Variants in FKBP14 observed in about 807,000 individuals in gnomAD.
FKBP14 encodes FKBP prolyl isomerase 14.
In FKBP14, 20 loss-of-function variants were observed where a neutral mutation model predicts 21.6. The ratio of observed to expected loss-of-function variants is 0.92; its 90% CI spans 0.65 to 1.34. The LOEUF is 1.34. FKBP14 is among the 40% of genes most tolerant of loss of function. The pLI is 0.00. For missense variants in FKBP14, 253 were observed against 249.0 expected, an observed-to-expected ratio of 1.02 and a Z score of -0.11; for synonymous variants, 79 against 86.7, an observed-to-expected ratio of 0.91 and a Z score of 0.49.
intron 2 of FKBP14, 136 bp from the exon 3 acceptor site, chr7:30,019,259 T>A (rs1443525025): frequency 1.3e-5 from 10 of 766,362 alleles, no homozygotes; most frequent in Non-Finnish European, 1.9e-5. Flanking sequence ...TGATGAAAAT[T>A]ATGTATATTA....
intron 2 of FKBP14, among the ~76,000 whole-genome samples, chr7:30,021,234 T>C (rs1278920783): frequency 6.6e-6 from 1 of 152,226 alleles, no homozygotes; most frequent in East Asian, 1.9e-4. Context: ...TATTTCCTTA[T>C]GATTAACTTT....
At chr7:30,014,970 G>T in intron 3 of FKBP14, 77 bp from the exon 4 acceptor site, 2 of 916,682 alleles carry the variant, frequency 2.2e-6, no homozygotes, top group Non-Finnish European at 1.6e-6. Context: ...CACAGACATG[G>T]ACTGTTATTA....
chr7:30,007,770 C>T (rs1789642393), downstream of FKBP14, among the ~76,000 whole-genome samples: 3 of 152,082 alleles, frequency 2.0e-5, no homozygotes, highest in Admixed American at 2.0e-4. Context: ...AGACTCAGGC[C>T]CAGCGTGATG....
chr7:30,009,176 T>C (rs555973530), downstream of FKBP14, among the ~76,000 whole-genome samples: 1 of 152,228 alleles, frequency 6.6e-6, no homozygotes, highest in East Asian at 1.9e-4. Flanking sequence ...AGGGTTATTA[T>C]TATAATGCTA....
chr7:30,019,091 T>A lies in FKBP14; in HGVS notation c.382A>T (p.Asn128Tyr). Residue 128 changes from asparagine (N) to tyrosine (Y), a missense_variant, in exon 3 of 4, where the codon AAT becomes TAT. Physicochemically the swap from Asn to Tyr is moderately radical, Grantham distance 143. Transcript: ENST00000222803. ...KIPPESTLIF[N>Y]IDLLEIRNGP... ...TTTCGAATCTCCAGGAGATCAATAT[T>A]AAATATCAGTGTACTTTCTGGGGGA... 1 of 1,586,344 alleles carries A rather than the reference T, an allele frequency of 6.3e-7. No individual in the cohort carries two copies. The highest frequency in any genetic ancestry group is 8.5e-7 in the Non-Finnish European group (1 of 1,171,756).
rs17150692 is a variant in FKBP14 at position 30,026,344 on chromosome 7, G to A, written c.165C>T (p.Tyr55=). ...GAAATAAGGAGCCGTCCTTTTCTAAGTAGCCTTCATAGTGGACCAACATCA... is the reference window on the plus strand; with the variant it reads ...GAAATAAGGAGCCGTCCTTTTCTAAATAGCCTTCATAGTGGACCAACATCA... ...GDLMLVHYEG[Y]LEKDGSLFHS... The change falls in exon 1 of 4, where the codon TAC becomes TAT. Residue 55 remains tyrosine, a synonymous_variant. Transcript: ENST00000222803. The A allele has an allele frequency of 0.019, 29,968 of 1,612,990 alleles. 404 individuals carry two copies. The highest frequency in any genetic ancestry group is 0.054 in the Admixed American group (3,230 of 59,776).
chr7:30,007,455 G>A (rs183940354), downstream of FKBP14, among the ~76,000 whole-genome samples: 4 of 152,062 alleles, frequency 2.6e-5, no homozygotes, highest in East Asian at 1.9e-4. Context: ...TGATCTGCCC[G>A]CCTTGGCCTC....
chr7:30,021,735 AG>A (rs1212819572), intron 2 of FKBP14, among the ~76,000 whole-genome samples: 12 of 152,070 alleles, frequency 7.9e-5, no homozygotes, highest in Non-Finnish European at 1.8e-4. Flanking sequence ...TTGTATTTTT[AG>A]TAGAGACAGG....
Position 30,026,567 on chromosome 7 carries a change from A to C in FKBP14, c.-59T>G, listed in dbSNP as rs1007764436. ...GCAGCGAAAGGTCCCTCGACTTCAT[A>C]GATTTAAGAACGTAGTTCAAGGCTT... On this transcript the variant is annotated 5_prime_UTR_variant, in exon 1 of 4. Transcript: ENST00000222803. The C allele has an allele frequency of 1.1e-5, 16 of 1,499,742 alleles. No homozygotes were observed. Among genetic ancestry groups the C allele is most frequent in the East Asian group, 4.5e-5 (2 of 44,054 alleles). 92.9% of individuals were successfully genotyped at this position (1,499,742 alleles called of 1,614,324 possible). A position where few individuals can be genotyped will look rare whatever the true frequency, so the allele number is the denominator to read the frequency against.
At chr7:30,018,027 AAAT>A (rs1789939151) in intron 3 of FKBP14, among the ~76,000 whole-genome samples, 1 of 151,526 alleles carries the variant, frequency 6.6e-6, no homozygotes, top group Non-Finnish European at 1.5e-5. Context: ...ATAAATAAAT[AAAT>A]AAATAAATAA....
chr7:30,017,164 A>T (rs1191731429), intron 3 of FKBP14, among the ~76,000 whole-genome samples: 1 of 151,186 alleles, frequency 6.6e-6, no homozygotes, highest in African/African-American at 2.4e-5. Context: ...ACATAGCGAG[A>T]CCTCATCTCT....
In FKBP14 at chr7:30,011,617, T is replaced by C. The variant is rs938207693; in HGVS notation, c.*3118A>G. The C allele has an allele frequency of 6.9e-6, 1 of 145,834 alleles. No homozygotes were observed. The highest frequency in any genetic ancestry group is 2.5e-5 in the African/African-American group (1 of 39,720). 9.0% of individuals were successfully genotyped at this position (145,834 alleles called of 1,614,324 possible). A position where few individuals can be genotyped will look rare whatever the true frequency, so the allele number is the denominator to read the frequency against. ...GTATATATATATATATATATTTTTT[T>C]TTTTAGATGGGGAGTCACTCTGTCA... On this transcript the variant is annotated 3_prime_UTR_variant, in exon 4 of 4. Coordinates refer to ENST00000222803, the MANE Select transcript of FKBP14 (RefSeq NM_017946.4).
At chr7:30,024,888 A>AAT (rs1790133279) in intron 1 of FKBP14, among the ~76,000 whole-genome samples, 1 of 152,244 alleles carries the variant, frequency 6.6e-6, no homozygotes, top group Admixed American at 6.5e-5. Context: ...CTGAGTCTAA[A>AAT]AGAGATCAGA....
intron 3 of FKBP14, 111 bp downstream of exon 3, chr7:30,018,885 T>G: frequency 5.5e-6 from 6 of 1,095,664 alleles, no homozygotes; most frequent in Non-Finnish European, 7.7e-6. Flanking sequence ...TAAAAGTAGA[T>G]TTGAAATATA....
intron 3 of FKBP14, among the ~76,000 whole-genome samples, chr7:30,016,501 C>G (rs1038224440): frequency 6.6e-6 from 1 of 152,002 alleles, no homozygotes; most frequent in Non-Finnish European, 1.5e-5. Context: ...TCAAGCGATT[C>G]ACCTGCCTCA....
rs575039050 is a variant in FKBP14 at position 30,013,714 on chromosome 7, T to G, written c.*1021A>C. ...AGTAAATATTGAATATAAATATAAC[T>G]TTCTACCTCATCTATAACATATTGA... On this transcript the variant is annotated 3_prime_UTR_variant, in exon 4 of 4. Coordinates refer to ENST00000222803, the MANE Select transcript of FKBP14 (RefSeq NM_017946.4). 1 of 152,254 alleles carries G rather than the reference T, an allele frequency of 6.6e-6. No individual in the cohort carries two copies. The highest frequency in any genetic ancestry group is 2.1e-4 in the South Asian group (1 of 4,822). The allele number at this position is 152,254 out of a possible 1,614,324, so 9.4% of individuals were successfully genotyped here. A position where few individuals can be genotyped will look rare whatever the true frequency, so the allele number is the denominator to read the frequency against.
At chr7:30,018,178 G>A (rs1415445443) in intron 3 of FKBP14, among the ~76,000 whole-genome samples, 1 of 152,120 alleles carries the variant, frequency 6.6e-6, no homozygotes, top group Non-Finnish European at 1.5e-5. Flanking sequence ...AAATTTAGTG[G>A]CTGTGGATCA....
chr7:30,022,805 T>C lies in FKBP14; in HGVS notation c.209A>G (p.Asn70Ser). 3 of 1,613,184 alleles carry C rather than the reference T, an allele frequency of 1.9e-6. No individual in the cohort carries two copies. Among genetic ancestry groups the C allele is most frequent in the Non-Finnish European group, 2.5e-6 (3 of 1,179,762 alleles). The stretch of plus-strand genomic sequence containing the variant: ...GGTAAACCAAATGGGCTGACCATTG[T>C]TATGTTTGTGACTATGATAGAAATA... ...GSLFHSTHKH[N>S]NGQPIWFTLG... The change falls in exon 2 of 4, where the codon AAC (asparagine) becomes AGC (serine). Residue 70 changes from asparagine (N) to serine (S), a missense_variant. Asn to Ser is a conservative substitution (Grantham distance 46, BLOSUM62 1). Transcript: ENST00000222803.
chr7:30,018,939 A>C, intron 3 of FKBP14, 57 bp downstream of exon 3: 1 of 1,575,658 alleles, frequency 6.3e-7, no homozygotes. Flanking sequence ...AAAACAAAAC[A>C]AAACCCCAAA....
Sources: gnomAD v4.1 joint callset for allele counts (sites outside exome capture counted in the v4.1 genomes callset) on GRCh38, gnomAD v4.1.1 for gene constraint, MANE v1.5 for transcripts, NCBI Gene and HGNC (gene_info 2026-07-23, HGNC 2026-07-21) for gene names.